The following CTNNA3 variants were observed in gnomAD, a reference collection of about 807,000 sequenced individuals.
CTNNA3 encodes catenin alpha-3.
Under a neutral mutation model 95.7 loss-of-function variants are expected in CTNNA3, and 76 were observed. The ratio of observed to expected loss-of-function variants is 0.79; its 90% CI spans 0.66 to 0.96. The LOEUF (loss-of-function observed/expected upper bound fraction) is 0.96. Among genes scored for constraint, CTNNA3 ranks in the 40% least tolerant of loss-of-function variants. CTNNA3 has a pLI of 0.00. For synonymous variants in CTNNA3, 431 were observed against 374.4 expected (o/e 1.15, Z -1.74); for missense variants, 1,191 against 1,089.8 (o/e 1.09, Z -1.31).
At chr10:66,677,704 C>T (rs1033926761) in intron 9 of CTNNA3, among the ~76,000 whole-genome samples, 2 of 152,148 alleles carry the variant, frequency 1.3e-5, no homozygotes, top group South Asian at 2.1e-4. Context: ...CATTTCCCTT[C>T]TGCCATGATT....
chr10:66,935,765 G>A (rs535377879), intron 7 of CTNNA3, among the ~76,000 whole-genome samples: 11 of 150,768 alleles, frequency 7.3e-5, no homozygotes, highest in South Asian at 6.2e-4. Context: ...TGTTTTATGC[G>A]TTTCGTAAAC....
chr10:67,739,331 A>G (rs927592469), intron 1 of CTNNA3, among the ~76,000 whole-genome samples: 2 of 152,196 alleles, frequency 1.3e-5, no homozygotes, highest in Non-Finnish European at 1.5e-5. Flanking sequence ...AGAAGGAAAT[A>G]AAGGGTATTC....
intron 4 of CTNNA3, among the ~76,000 whole-genome samples, chr10:67,532,356 G>A (rs1398014157): frequency 7.9e-5 from 12 of 152,070 alleles, no homozygotes; most frequent in Non-Finnish European, 1.2e-4. Flanking sequence ...GGGTGGCCTC[G>A]GAGAGTCTCA....
intron 1 of CTNNA3, among the ~76,000 whole-genome samples, chr10:67,682,402 G>A (rs2133570822): frequency 6.6e-6 from 1 of 151,688 alleles, no homozygotes; most frequent in South Asian, 2.1e-4. Flanking sequence ...GAAGGGCAAT[G>A]GGTTAATAAG....
intron 9 of CTNNA3, among the ~76,000 whole-genome samples, chr10:66,711,157 T>C (rs1848277552): frequency 6.6e-6 from 1 of 151,552 alleles, no homozygotes; most frequent in Non-Finnish European, 1.5e-5. Context: ...CAAACTGATT[T>C]GTTAGAACAT....
intron 5 of CTNNA3, among the ~76,000 whole-genome samples, chr10:67,238,821 A>G (rs1019725230): frequency 6.6e-6 from 1 of 152,180 alleles, no homozygotes; most frequent in Non-Finnish European, 1.5e-5. Context: ...CTACTTCATT[A>G]TAATTCTCTT....
intron 15 of CTNNA3, among the ~76,000 whole-genome samples, chr10:66,036,271 T>C (rs958519243): frequency 4.6e-5 from 7 of 152,298 alleles, no homozygotes; most frequent in Middle Eastern, 3.4e-3. Context: ...CTGGAAGGCA[T>C]AAAATATTCT....
intron 13 of CTNNA3, among the ~76,000 whole-genome samples, chr10:66,120,414 A>T (rs2082528657): frequency 6.6e-6 from 1 of 152,160 alleles, no homozygotes. Context: ...TACTGTTAGA[A>T]TTACATTAAA....
intron 1 of CTNNA3, among the ~76,000 whole-genome samples, chr10:67,677,334 T>C (rs919355997): frequency 2.0e-5 from 3 of 152,192 alleles, no homozygotes; most frequent in Non-Finnish European, 4.4e-5. Context: ...GTATGCCCTA[T>C]GCAATATTTG....
intron 5 of CTNNA3, among the ~76,000 whole-genome samples, chr10:67,452,313 A>G (rs556779201): frequency 1.4e-4 from 21 of 152,212 alleles, no homozygotes; most frequent in Non-Finnish European, 2.4e-4. Flanking sequence ...AAAATGTATT[A>G]TGAGACTCAA....
chr10:67,314,784 T>C (rs994221961), intron 5 of CTNNA3, among the ~76,000 whole-genome samples: 17 of 152,232 alleles, frequency 1.1e-4, no homozygotes, highest in African/African-American at 4.1e-4. Context: ...GAGTTGACTA[T>C]CATTTATTAT....
At chr10:65,985,262 A>T (rs2078405055) in intron 16 of CTNNA3, among the ~76,000 whole-genome samples, 1 of 151,164 alleles carries the variant, frequency 6.6e-6, no homozygotes. Context: ...CAGTTGCAAA[A>T]ATCCTCATTT....
intron 12 of CTNNA3, among the ~76,000 whole-genome samples, chr10:66,375,209 G>A (rs2132476293): frequency 6.6e-6 from 1 of 151,438 alleles, no homozygotes; most frequent in East Asian, 1.9e-4. Flanking sequence ...GTTGTGGAAG[G>A]TGCCTTTTGG....
chr10:67,575,475 A>G lies in CTNNA3; in HGVS notation c.292+31382T>C, dbSNP rs1388263831. Among the ~76,000 whole-genome samples, 3 of 152,144 alleles carry G rather than the reference A, an allele frequency of 2.0e-5. No individual in the cohort carries two copies. In the South Asian group the frequency reaches 6.2e-4, roughly 31 times the overall value. ...ACTCCCCAGATAATTTCCTCAAATT[A>G]TGTTGTGAAAAAAAGCCCTCATTTT... is the stretch of plus-strand genomic sequence containing the variant. On this transcript the variant is annotated intron_variant, in intron 3 of 17. Transcript: ENST00000433211.
intron 7 of CTNNA3, among the ~76,000 whole-genome samples, chr10:67,032,861 A>G (rs1001965795): frequency 6.6e-5 from 10 of 152,210 alleles, no homozygotes; most frequent in Non-Finnish European, 1.3e-4. Context: ...CAAGCTTTTC[A>G]GCTGTATATT....
chr10:65,936,494 A>G (rs914428994), intron 17 of CTNNA3, among the ~76,000 whole-genome samples: 2 of 152,116 alleles, frequency 1.3e-5, no homozygotes, highest in African/African-American at 4.8e-5. Context: ...TTTGTTGGAC[A>G]GTGTCTACAA....
chr10:67,394,356 TA>T (rs1236780047), intron 5 of CTNNA3, among the ~76,000 whole-genome samples: 1 of 150,070 alleles, frequency 6.7e-6, no homozygotes, highest in Non-Finnish European at 1.5e-5. Context: ...GGCAATGCTG[TA>T]AAACAGCAGC....
chr10:66,581,543 A>G (rs1248446274), intron 10 of CTNNA3, among the ~76,000 whole-genome samples: 1 of 151,466 alleles, frequency 6.6e-6, no homozygotes. Context: ...GACCATTTGT[A>G]TATTTTTTGA....
At chr10:66,780,207 A>G (rs1257627525) in intron 7 of CTNNA3, among the ~76,000 whole-genome samples, 1 of 152,110 alleles carries the variant, frequency 6.6e-6, no homozygotes, top group Non-Finnish European at 1.5e-5. Context: ...GGAGTCATAG[A>G]AGTTAAGAAA....
Sources: allele counts gnomAD v4.1 joint callset (sites outside exome capture counted in the v4.1 genomes callset), GRCh38; gene constraint gnomAD v4.1.1; transcripts MANE v1.5; gene names NCBI Gene and HGNC (gene_info 2026-07-23, HGNC 2026-07-21).